The following N4BP1 variants were observed in gnomAD, a reference collection of about 807,000 sequenced individuals.
N4BP1 encodes the protein NEDD4-binding protein 1.
A neutral mutation model predicts 70.9 loss-of-function variants in N4BP1; 21 were observed. The observed-to-expected ratio is 0.30, with a 90% CI of 0.21 to 0.43. N4BP1 has a LOEUF of 0.43. Ranked by LOEUF, N4BP1 falls within the 20% of genes least tolerant of loss-of-function variation. The pLI, the probability that N4BP1 is intolerant of heterozygous loss-of-function variation, is 1.00. For missense variants in N4BP1, 936 were observed against 1,069.4 expected (o/e 0.88, Z 1.74); for synonymous variants, 387 against 394.6 (o/e 0.98, Z 0.23).
intron 1 of N4BP1, among the ~76,000 whole-genome samples, chr16:48,563,693 AT>A (rs912094933): frequency 1.4e-4 from 22 of 152,068 alleles, no homozygotes; most frequent in African/African-American, 5.1e-4. Context: ...ATATCCTATG[AT>A]TTTTTTGTCT....
chr16:48,578,692 C>T (rs185871815), intron 1 of N4BP1, among the ~76,000 whole-genome samples: 4 of 152,308 alleles, frequency 2.6e-5, no homozygotes, highest in East Asian at 3.9e-4. Context: ...AGCTCTTCAT[C>T]GTGTAGGATT....
intron 2 of N4BP1, among the ~76,000 whole-genome samples, chr16:48,558,067 T>C (rs1963783249): frequency 6.6e-6 from 1 of 152,106 alleles, no homozygotes; most frequent in Non-Finnish European, 1.5e-5. Context: ...TTACATCTAG[T>C]TCCAAAATGT....
chr16:48,586,944 G>A (rs1430690791), intron 1 of N4BP1, among the ~76,000 whole-genome samples: 1 of 151,962 alleles, frequency 6.6e-6, no homozygotes, highest in Admixed American at 6.6e-5. Context: ...CCCACAATAT[G>A]TTCTTAGCTT....
In N4BP1 at chr16:48,542,096, T is replaced by C. The variant is rs1963508363; in HGVS notation, c.*808A>G. On this transcript the variant is annotated 3_prime_UTR_variant, in exon 7 of 7. Transcript: ENST00000262384. ...GCCAGGCCAGGCATGTGGAGGCCCC[T>C]GACTGTGGGCGTGTCAAGCCCTGGC... 1 of 152,458 alleles carries C rather than the reference T, an allele frequency of 6.6e-6. No individual in the cohort carries two copies. Among genetic ancestry groups the C allele is most frequent in the Admixed American group, 6.5e-5 (1 of 15,284 alleles). The allele number at this position is 152,458 out of a possible 1,614,324, so 9.4% of individuals were successfully genotyped here.
At position 48,570,004 on chromosome 16, in the gene N4BP1, G is replaced by C. The variant is rs1251827170; in HGVS notation, c.199-7560C>G. Among the ~76,000 whole-genome samples the C allele has an allele frequency of 3.3e-4, 50 of 152,044 alleles. 1 individual carries two copies. Among genetic ancestry groups the C allele is most frequent in the Admixed American group, 3.3e-3 (50 of 15,258 alleles). Reference sequence around the variant, plus strand: ...GCCTTGTACCTCTGCAACTGGGCTTGGATCCAGCTAGGACACACAGAGAGA... The same window carrying C: ...GCCTTGTACCTCTGCAACTGGGCTTCGATCCAGCTAGGACACACAGAGAGA... On this transcript the variant is annotated intron_variant, in intron 1 of 6. Transcript: ENST00000262384.
intron 1 of N4BP1, among the ~76,000 whole-genome samples, chr16:48,584,648 G>T (rs1030208439): frequency 6.6e-5 from 10 of 151,710 alleles, no homozygotes; most frequent in African/African-American, 2.2e-4. Context: ...AGTGATACAT[G>T]CCTGTATTCC....
intron 1 of N4BP1, among the ~76,000 whole-genome samples, chr16:48,585,331 A>G (rs984607934): frequency 3.3e-5 from 5 of 151,890 alleles, no homozygotes; most frequent in Non-Finnish European, 7.4e-5. Flanking sequence ...ATATATATTT[A>G]TGATTATGAA....
In N4BP1 at chr16:48,609,981, C is replaced by A; in HGVS notation, c.-9G>T. The A allele has an allele frequency of 8.4e-7, 1 of 1,192,484 alleles. No homozygotes were observed. The highest frequency in any genetic ancestry group is 1.0e-6 in the Non-Finnish European group (1 of 962,922). The allele number at this position is 1,192,484 out of a possible 1,614,324, so 73.9% of individuals were successfully genotyped here. On this transcript the variant is annotated 5_prime_UTR_variant, in exon 1 of 7. Transcript: ENST00000262384. Reference sequence around the variant, plus strand: ...ACCGCCCGGGCCGCCATGGCGGGCGCGGCCTCCCGCGGCGGCGCCGGGGGC... The same window carrying A: ...ACCGCCCGGGCCGCCATGGCGGGCGAGGCCTCCCGCGGCGGCGCCGGGGGC...
At chr16:48,548,332 A>T (rs1009680299) in intron 4 of N4BP1, among the ~76,000 whole-genome samples, 3 of 152,254 alleles carry the variant, frequency 2.0e-5, no homozygotes, top group Non-Finnish European at 4.4e-5. Context: ...ATTGTCTTTC[A>T]TACAATTTCT....
chr16:48,583,962 T>C (rs914560083), intron 1 of N4BP1, among the ~76,000 whole-genome samples: 3 of 152,206 alleles, frequency 2.0e-5, no homozygotes, highest in Non-Finnish European at 4.4e-5. Context: ...AGCCAGAGAA[T>C]GTTACTTCTG....
chr16:48,542,802 G>A lies in N4BP1; in HGVS notation c.*102C>T. On this transcript the variant is annotated 3_prime_UTR_variant, in exon 7 of 7. Transcript: ENST00000262384. Reference sequence around the variant, plus strand: ...TTCTGTACAACTGCGTTTACACTGGGAAATAAGTTTCTTCACATTATGTTC... The same window carrying A: ...TTCTGTACAACTGCGTTTACACTGGAAAATAAGTTTCTTCACATTATGTTC... 2 of 1,109,110 alleles carry A rather than the reference G, an allele frequency of 1.8e-6. No homozygotes were observed. Among genetic ancestry groups the A allele is most frequent in the Non-Finnish European group, 2.5e-6 (2 of 798,210 alleles). 68.7% of individuals were successfully genotyped at this position (1,109,110 alleles called of 1,614,324 possible).
intron 1 of N4BP1, among the ~76,000 whole-genome samples, chr16:48,597,895 G>C (rs904638600): frequency 3.3e-5 from 5 of 152,190 alleles, no homozygotes; most frequent in Non-Finnish European, 7.3e-5. Context: ...GCTGCAAAAT[G>C]AAGAAAAAGT....
Position 48,543,113 on chromosome 16 carries a change from G to A in N4BP1, c.2482C>T (p.Pro828Ser). ...AGGGCTGGCAGCAGTGGGAAGTGGG[G>A]CTGCTGAGGGAGCCAGTGGCTTGAA... Reference protein sequence around the residue: ...APSSHWLPQQPHFPLLPALPS... With the variant: ...APSSHWLPQQSHFPLLPALPS... The change falls in exon 7 of 7, where the codon CCC (proline) becomes TCC (serine). Residue 828 changes from proline (P) to serine (S), a missense_variant. Coordinates refer to ENST00000262384, the MANE Select transcript of N4BP1 (RefSeq NM_153029.4). The A allele has an allele frequency of 6.2e-6, 10 of 1,612,394 alleles. No individual in the cohort carries two copies. Among genetic ancestry groups the A allele is most frequent in the Non-Finnish European group, 8.5e-6 (10 of 1,178,570 alleles).
chr16:48,598,272 A>G (rs1185998117), intron 1 of N4BP1, among the ~76,000 whole-genome samples: 2 of 152,250 alleles, frequency 1.3e-5, no homozygotes, highest in African/African-American at 4.8e-5. Flanking sequence ...GCAAAACCAC[A>G]AAATTCAGGA....
At chr16:48,549,039 C>T (rs1054796258) in intron 4 of N4BP1, among the ~76,000 whole-genome samples, 6 of 152,052 alleles carry the variant, frequency 3.9e-5, no homozygotes, top group African/African-American at 1.4e-4. Context: ...CTTAGACCCT[C>T]TTAATAAGAA....
rs1400846730 is a variant in N4BP1 at position 48,609,976 on chromosome 16, G to A, written c.-4C>T. ...CCAGCACCGCCCGGGCCGCCATGGC[G>A]GGCGCGGCCTCCCGCGGCGGCGCCG... On this transcript the variant is annotated 5_prime_UTR_variant, in exon 1 of 7. Transcript: ENST00000262384. 1 of 1,211,726 alleles carries A rather than the reference G, an allele frequency of 8.3e-7. No individual in the cohort carries two copies. Among genetic ancestry groups the A allele is most frequent in the Non-Finnish European group, 1.0e-6 (1 of 974,560 alleles). The allele number at this position is 1,211,726 out of a possible 1,614,324, so 75.1% of individuals were successfully genotyped here.
rs370559374 is a variant in N4BP1, at chr16:48,608,255, G to A, written c.198+1520C>T. Among the ~76,000 whole-genome samples the A allele has an allele frequency of 3.3e-5, 5 of 152,066 alleles. No individual in the cohort carries two copies. In the East Asian group the frequency reaches 5.8e-4, roughly 18 times the overall value. Reference sequence around the variant, plus strand: ...CCTGATCTCGTGATCCTTCCACCTCGGCCTCCCAAAGTGCTAGGATTACAG... The same window carrying A: ...CCTGATCTCGTGATCCTTCCACCTCAGCCTCCCAAAGTGCTAGGATTACAG... On this transcript the variant is annotated intron_variant, in intron 1 of 6. Transcript: ENST00000262384.
rs35508080 is a variant in N4BP1, at chr16:48,585,541, C to CT, written c.199-23098dup. Reference sequence around the variant, plus strand: ...TAAATAAAATTATAATAGTAACGAACTTTTTTTTTTTTTTTGAGATGGAGT... The same window carrying CT: ...TAAATAAAATTATAATAGTAACGAACTTTTTTTTTTTTTTTTGAGATGGAGT... On this transcript the variant is annotated intron_variant, in intron 1 of 6. Transcript: ENST00000262384. Among the ~76,000 whole-genome samples the CT allele has an allele frequency of 3.8e-3, 538 of 140,952 alleles. 1 individual carries two copies. The highest frequency in any genetic ancestry group is 8.8e-3 in the African/African-American group (340 of 38,590). 92.5% of individuals were successfully genotyped at this position (140,952 alleles called of 152,430 possible).
chr16:48,561,036 T>C lies in N4BP1; in HGVS notation c.1607A>G (p.Asn536Ser), dbSNP rs764606022. ...TTTTTCACAGGCAGATTTCATATTA[T>C]TTGGAAGCAAGGGTTCTGGCTGCTG... is the stretch of plus-strand genomic sequence containing the variant. The part of the protein sequence containing the change: ...LHQQPEPLLP[N>S]NMKSACEKRL... Residue 536 changes from asparagine to serine, a missense_variant, in exon 2 of 7, where the codon AAT becomes AGT. By Grantham distance (46) the Asn-to-Ser change is conservative (BLOSUM62 1). This residue lies in a region of N4BP1 where 515 missense variants were observed against 491.7 expected (regional missense o/e 1.05). Coordinates refer to ENST00000262384, the MANE Select transcript of N4BP1 (RefSeq NM_153029.4). The C allele has an allele frequency of 1.9e-6, 3 of 1,613,890 alleles. No individual in the cohort carries two copies. Among genetic ancestry groups the C allele is most frequent in the African/African-American group, 1.3e-5 (1 of 74,934 alleles).
Sources: allele counts gnomAD v4.1 joint callset (sites outside exome capture counted in the v4.1 genomes callset), GRCh38; gene constraint gnomAD v4.1.1; regional missense constraint gnomAD v4.1.1; transcripts MANE v1.5; gene names NCBI Gene and HGNC (gene_info 2026-07-23, HGNC 2026-07-21).